LRP4: variants seen among roughly 807,000 people sequenced by gnomAD.
The protein encoded by LRP4 is low-density lipoprotein receptor-related protein 4.
A neutral mutation model predicts 220.3 loss-of-function variants in LRP4; 95 were observed. The ratio of observed to expected loss-of-function variants is 0.43; its 90% CI spans 0.37 to 0.51. The LOEUF (loss-of-function observed/expected upper bound fraction) is 0.51. LRP4 is among the 20% of genes least tolerant of loss of function. The probability of loss-of-function intolerance (pLI) is 0.00; values close to 1 mark genes in which losing one functional copy is unlikely to be tolerated. For missense variants in LRP4, 1,925 were observed against 2,567.0 expected (o/e 0.75, Z 5.40); for synonymous variants, 903 against 954.6 (o/e 0.95, Z 1.00).
chr11:46,916,992 G>A (rs1941956023), intron 1 of LRP4, among the ~76,000 whole-genome samples: 1 of 152,232 alleles, frequency 6.6e-6, no homozygotes, highest in African/African-American at 2.4e-5. Context: ...CCAAGCTACC[G>A]CTCTTCGGAG....
chr11:46,872,074 T>C (rs1039974548), intron 30 of LRP4, among the ~76,000 whole-genome samples: 4 of 151,822 alleles, frequency 2.6e-5, no homozygotes, highest in African/African-American at 9.7e-5. Flanking sequence ...CTGGCCAACA[T>C]GGTGAAACCC....
Position 46,890,550 on chromosome 11 carries a change from G to T in LRP4, c.1698-56C>A. On this transcript the variant is annotated intron_variant, in intron 13 of 37. Transcript: ENST00000378623. This position sits in a 1 kb window ranked among gnomAD's most constrained non-coding sequence, Gnocchi z 5.3. ...GCAGCAGAAAACAGGTAGGTAACCAGGAGAATAATCAGGTAGGGCGCTTTT... is the reference window on the plus strand; with the variant it reads ...GCAGCAGAAAACAGGTAGGTAACCATGAGAATAATCAGGTAGGGCGCTTTT... 1 of 1,241,556 alleles carries T rather than the reference G, an allele frequency of 8.1e-7. No homozygotes were observed. The highest frequency in any genetic ancestry group is 1.2e-6 in the Non-Finnish European group (1 of 852,148). The allele number at this position is 1,241,556 out of a possible 1,614,324, so 76.9% of individuals were successfully genotyped here.
At chr11:46,907,311 G>GCCATCCAGC (rs1941777689) in intron 1 of LRP4, among the ~76,000 whole-genome samples, 1 of 152,204 alleles carries the variant, frequency 6.6e-6, no homozygotes, top group South Asian at 2.1e-4. Flanking sequence ...TGATCATGAA[G>GCCATCCAGC]CCATCCAGCT....
rs565089547 is a variant in LRP4, at chr11:46,870,085, G to T, written c.4693-953C>A. Among the ~76,000 whole-genome samples the T allele has an allele frequency of 1.8e-4, 27 of 150,510 alleles. No homozygotes were observed. In the South Asian group the frequency reaches 5.3e-3, roughly 29 times the overall value. Reference sequence around the variant, plus strand: ...CGCACCACTGCACTCCAGCCTGGGTGACAGAGCGAGACTCCATCTCAAAAA... The same window carrying T: ...CGCACCACTGCACTCCAGCCTGGGTTACAGAGCGAGACTCCATCTCAAAAA... On this transcript the variant is annotated intron_variant, in intron 31 of 37. Coordinates refer to ENST00000378623, the MANE Select transcript of LRP4 (RefSeq NM_002334.4).
Position 46,899,407 on chromosome 11 carries a change from C to T in LRP4, c.527G>A (p.Gly176Asp). The change falls in exon 5 of 38, where the codon GGC becomes GAC. Residue 176 changes from glycine to aspartate, a missense_variant. Gly to Asp is a moderately conservative substitution (Grantham distance 94). Coordinates refer to ENST00000378623, the MANE Select transcript of LRP4 (RefSeq NM_002334.4). The surrounding 1 kb of genome is among the most constrained non-coding windows in gnomAD (Gnocchi z 5.9). ...YCDGDTDCKD[G>D]SDEENCPSAV... is the part of the protein sequence containing the mutation. ...CTCACGACAGTTCTCCTCATCGGAG[C>T]CATCTTTGCAGTCGGTGTCACCGTC... is the stretch of plus-strand genomic sequence containing the variant. 2 of 1,613,956 alleles carry T rather than the reference C, an allele frequency of 1.2e-6. No individual in the cohort carries two copies. Among genetic ancestry groups the T allele is most frequent in the Non-Finnish European group, 1.7e-6 (2 of 1,179,864 alleles).
chr11:46,894,542 C>A, intron 12 of LRP4, 47 bp downstream of exon 12: 2 of 1,433,172 alleles, frequency 1.4e-6, no homozygotes, highest in Admixed American at 1.9e-5. Context: ...ACCGTTGCTG[C>A]GCATGTGGCA....
At chr11:46,868,803 C>A in intron 32 of LRP4, 90 bp from the exon 33 acceptor site, 1 of 1,244,658 alleles carries the variant, frequency 8.0e-7, no homozygotes, top group Admixed American at 1.8e-5. Flanking sequence ...TCCAGGATTA[C>A]CCTACTCCCA....
At position 46,857,128 on chromosome 11, in the gene LRP4, C is replaced by G. The variant is rs933072673; in HGVS notation, c.*1855G>C. 2 of 152,496 alleles carry G rather than the reference C, an allele frequency of 1.3e-5. No homozygotes were observed. The highest frequency in any genetic ancestry group is 2.4e-5 in the African/African-American group (1 of 41,376). The allele number at this position is 152,496 out of a possible 1,614,324, so 9.4% of individuals were successfully genotyped here. The stretch of plus-strand genomic sequence containing the variant: ...CCCAAGTGCAATAAGATCCTTCCCC[C>G]TTTCCAATCAAGAAAATGCCACTTT... On this transcript the variant is annotated 3_prime_UTR_variant, in exon 38 of 38. Transcript: ENST00000378623.
At chr11:46,880,414 A>G (rs547179856) in intron 20 of LRP4, among the ~76,000 whole-genome samples, 37 of 150,570 alleles carry the variant, frequency 2.5e-4, no homozygotes, top group African/African-American at 9.0e-4. Flanking sequence ...TAGCCTAGAC[A>G]ACAAAGTGAG....
intron 1 of LRP4, among the ~76,000 whole-genome samples, chr11:46,904,520 G>A (rs1184630330): frequency 6.7e-6 from 1 of 150,240 alleles, no homozygotes; most frequent in Non-Finnish European, 1.5e-5. Flanking sequence ...CGGATGGATG[G>A]ATGGATGGAT....
chr11:46,881,314 T>A (rs1181691869), intron 20 of LRP4, among the ~76,000 whole-genome samples: 1 of 152,186 alleles, frequency 6.6e-6, no homozygotes, highest in East Asian at 1.9e-4. Context: ...TTACCTGTTC[T>A]TGCAACTTTT....
At chr11:46,864,905 C>A (rs1940654414) in intron 35 of LRP4, among the ~76,000 whole-genome samples, 1 of 152,134 alleles carries the variant, frequency 6.6e-6, no homozygotes, top group Non-Finnish European at 1.5e-5. Flanking sequence ...TATAATGTGG[C>A]ATATATATGG....
rs777512205 is a variant in LRP4 at position 46,902,799 on chromosome 11, G to A, written c.183C>T (p.Ser61=). 55 of 1,613,914 alleles carry A rather than the reference G, an allele frequency of 3.4e-5. No homozygotes were observed. The highest frequency in any genetic ancestry group is 4.1e-5 in the Non-Finnish European group (48 of 1,180,034). The change falls in exon 2 of 38, where the codon AGC becomes AGT. Residue 61 remains serine, a synonymous_variant. Coordinates refer to ENST00000378623, the MANE Select transcript of LRP4 (RefSeq NM_002334.4). ...CDGDNDCGDH[S]DEDGCILPTC... is the part of the protein sequence containing the mutation. ...GGTACTTACTACATCCATCCTCATC[G>A]CTGTGGTCCCCGCAGTCATTGTCTC...
In LRP4 at chr11:46,886,071, C is replaced by T. The variant is rs768935667; in HGVS notation, c.2506+20G>A. 2 of 1,609,972 alleles carry T rather than the reference C, an allele frequency of 1.2e-6. No individual in the cohort carries two copies. The highest frequency in any genetic ancestry group is 1.7e-6 in the Non-Finnish European group (2 of 1,176,878). ...AGGAATCCCAGGGAGCCAGGCAGGC[C>T]ACGGCTCCCCTATGCATACCTGCAT... is the stretch of plus-strand genomic sequence containing the variant. On this transcript the variant is annotated intron_variant, in intron 18 of 37. Coordinates refer to ENST00000378623, the MANE Select transcript of LRP4 (RefSeq NM_002334.4).
In LRP4 at chr11:46,876,982, G is replaced by C. The variant is rs3816615; in HGVS notation, c.3278-152C>G. Reference sequence around the variant, plus strand: ...GGAAAACGCAGAAATATCATAGCAGGATAGCTCTTGGCAGAGACGGAGAGA... The same window carrying C: ...GGAAAACGCAGAAATATCATAGCAGCATAGCTCTTGGCAGAGACGGAGAGA... On this transcript the variant is annotated intron_variant, in intron 23 of 37. Transcript: ENST00000378623. 8,805 of 856,230 alleles carry C rather than the reference G, an allele frequency of 0.01. 989 individuals carry two copies. In the East Asian group the frequency reaches 0.18, roughly 18 times the overall value. 53.0% of individuals were successfully genotyped at this position (856,230 alleles called of 1,614,324 possible).
intron 34 of LRP4, among the ~76,000 whole-genome samples, chr11:46,867,772 C>A (rs1305504078): frequency 6.6e-6 from 1 of 152,168 alleles, no homozygotes; most frequent in Non-Finnish European, 1.5e-5. Context: ...TAAAGTTGTT[C>A]TTAAAGCTTC....
chr11:46,899,515 C>T lies in LRP4; in HGVS notation c.431-12G>A, dbSNP rs139371503. The T allele has an allele frequency of 0.011, 17,524 of 1,590,032 alleles. 142 individuals are homozygous for T. Among genetic ancestry groups the T allele is most frequent in the Middle Eastern group, 0.017 (103 of 5,970 alleles). On this transcript the variant is annotated splice_polypyrimidine_tract_variant and intron_variant, in intron 4 of 37. Coordinates refer to ENST00000378623, the MANE Select transcript of LRP4 (RefSeq NM_002334.4). This position sits in a 1 kb window ranked among gnomAD's most constrained non-coding sequence, Gnocchi z 5.9. ...GCACTTGCGCATGTCTGGGGGGATG[C>T]GATGGGACAGCAGTTCTGAGGGGGC...
chr11:46,860,925 G>A (rs1032037689), intron 37 of LRP4: 24 of 984,184 alleles, frequency 2.4e-5, no homozygotes, highest in Non-Finnish European at 2.9e-5. Flanking sequence ...ACAGCAACAG[G>A]TACCTGAAAT....
chr11:46,904,096 C>T (rs1941718476), intron 1 of LRP4, among the ~76,000 whole-genome samples: 1 of 152,164 alleles, frequency 6.6e-6, no homozygotes, highest in African/African-American at 2.4e-5. Flanking sequence ...TCATCCAACC[C>T]GCTGGGCTGC....
Sources: gnomAD v4.1 joint callset for allele counts (sites outside exome capture counted in the v4.1 genomes callset) on GRCh38, gnomAD v4.1.1 for gene constraint, Gnocchi (gnomAD v3.1) non-coding constraint, MANE v1.5 for transcripts, NCBI Gene and HGNC (gene_info 2026-07-23, HGNC 2026-07-21) for gene names.